The following TRAF3 variants were observed in gnomAD, a reference collection of about 807,000 sequenced individuals.
The protein encoded by TRAF3 is TNF receptor associated factor 3, also known as TNF receptor-associated factor 3.
TRAF3 carries 13 observed loss-of-function variants against 62.3 expected under a neutral mutation model. The ratio of observed to expected loss-of-function variants is 0.21; its 90% confidence interval spans 0.14 to 0.33. TRAF3 has a LOEUF of 0.33. TRAF3 is among the 10% of genes least tolerant of loss of function. TRAF3 has a pLI of 1.00. For synonymous variants in TRAF3, 269 were observed against 283.4 expected, an observed-to-expected ratio of 0.95 and a Z score of 0.51; for missense variants, 440 against 741.8, an observed-to-expected ratio of 0.59 and a Z score of 4.73.
At chr14:102,868,054 C>T (rs1051755003) in intron 2 of TRAF3, among the ~76,000 whole-genome samples, 9 of 152,212 alleles carry the variant, frequency 5.9e-5, no homozygotes, top group African/African-American at 1.4e-4. Flanking sequence ...GGGCTCCGCC[C>T]GCCCACCCAG....
intron 9 of TRAF3, among the ~76,000 whole-genome samples, chr14:102,896,962 T>TAC (rs1420312993): frequency 2.6e-5 from 4 of 152,072 alleles, no homozygotes. Context: ...AGGCCTAGCT[T>TAC]ACTCAAGAGG....
chr14:102,880,750 C>G (rs1889003786), intron 6 of TRAF3, among the ~76,000 whole-genome samples: 1 of 152,202 alleles, frequency 6.6e-6, no homozygotes. Context: ...AAATGTGGTA[C>G]ATCTATACCA....
At chr14:102,860,526 C>G (rs759599979) in intron 2 of TRAF3, among the ~76,000 whole-genome samples, 1 of 152,180 alleles carries the variant, frequency 6.6e-6, no homozygotes, top group African/African-American at 2.4e-5. Flanking sequence ...TATCTTATTA[C>G]CCAACTTTAG....
chr14:102,890,720 C>T (rs1889661253), intron 8 of TRAF3, among the ~76,000 whole-genome samples: 1 of 152,126 alleles, frequency 6.6e-6, no homozygotes, highest in Non-Finnish European at 1.5e-5. Flanking sequence ...ATTCCTGACT[C>T]TAAAATGGTC....
At chr14:102,848,814 C>T (rs1461355635) in intron 2 of TRAF3, among the ~76,000 whole-genome samples, 1 of 152,144 alleles carries the variant, frequency 6.6e-6, no homozygotes, top group East Asian at 1.9e-4. Flanking sequence ...TTCCACTGGA[C>T]ATGTTCTTCT....
At chr14:102,886,371 T>C in intron 7 of TRAF3, 102 bp downstream of exon 7, 2 of 1,031,308 alleles carry the variant, frequency 1.9e-6, no homozygotes, top group Non-Finnish European at 2.9e-6. Context: ...TCCCAGTTCG[T>C]GAGAGTCATG....
intron 2 of TRAF3, among the ~76,000 whole-genome samples, chr14:102,866,607 G>C (rs1458920494): frequency 1.3e-5 from 2 of 152,130 alleles, no homozygotes; most frequent in Non-Finnish European, 2.9e-5. Context: ...ACTTTGGGAG[G>C]CTGATGTGGA....
chr14:102,777,785 C>T (rs1002250956), intron 1 of TRAF3, 110 bp downstream of exon 1: 1 of 143,282 alleles, frequency 7.0e-6, no homozygotes, highest in African/African-American at 2.5e-5. Flanking sequence ...CTCGGGGCTG[C>T]CCGGCGCGGG....
intron 1 of TRAF3, among the ~76,000 whole-genome samples, chr14:102,779,289 T>G (rs1196622032): frequency 1.2e-5 from 1 of 86,554 alleles, no homozygotes; most frequent in African/African-American, 3.9e-5. Context: ...TTTTTTTTTT[T>G]TTTTTTTTTG....
At chr14:102,877,046 C>T (rs1408275749) in intron 6 of TRAF3, among the ~76,000 whole-genome samples, 1 of 150,538 alleles carries the variant, frequency 6.6e-6, no homozygotes, top group Non-Finnish European at 1.5e-5. Context: ...ATCCGTTCCA[C>T]AGGCCTTAGG....
intron 1 of TRAF3, among the ~76,000 whole-genome samples, chr14:102,822,420 C>A (rs1028540261): frequency 1.3e-5 from 2 of 152,168 alleles, no homozygotes; most frequent in Non-Finnish European, 2.9e-5. Context: ...TGCAGATTTT[C>A]TCTATTTAGT....
chr14:102,804,071 G>A (rs1336686958), intron 1 of TRAF3, among the ~76,000 whole-genome samples: 1 of 151,990 alleles, frequency 6.6e-6, no homozygotes, highest in Non-Finnish European at 1.5e-5. Flanking sequence ...GAGGCGGGGC[G>A]AGAGGGATCC....
chr14:102,779,269 C>CTTTTTTTTTTTTTTTTTTTTTT (rs61309052), intron 1 of TRAF3, among the ~76,000 whole-genome samples: 3 of 123,456 alleles, frequency 2.4e-5, no homozygotes, highest in African/African-American at 3.5e-5. Flanking sequence ...AGAATTCCAG[C>CTTTTTTTTTTTTTTTTTTTTTT]TTTTTTTTTT....
rs1890417071 is a variant in TRAF3 at position 102,903,555 on chromosome 14, G to C, written c.1135+126G>C. The C allele has an allele frequency of 3.0e-6, 4 of 1,336,716 alleles. No individual in the cohort carries two copies. The East Asian group carries it at 9.9e-5, about 33-fold the overall frequency. The allele number at this position is 1,336,716 out of a possible 1,614,324, so 82.8% of individuals were successfully genotyped here. ...CTTAGGACAGTTTTTTCTAATTATG[G>C]GTAACACGCAGAGGTGTGATGACTT... On this transcript the variant is annotated intron_variant, in intron 11 of 11. Transcript: ENST00000392745. This position sits in a 1 kb window ranked among gnomAD's most constrained non-coding sequence, Gnocchi z 6.4.
rs1434406763 is a variant in TRAF3, at chr14:102,777,520, A to T, written c.-312A>T. 1 of 143,870 alleles carries T rather than the reference A, an allele frequency of 7.0e-6. No homozygotes were observed. The highest frequency in any genetic ancestry group is 1.5e-5 in the Non-Finnish European group (1 of 64,916). 8.9% of individuals were successfully genotyped at this position (143,870 alleles called of 1,614,324 possible). A position where few individuals can be genotyped will look rare whatever the true frequency, so the allele number is the denominator to read the frequency against. Reference sequence around the variant, plus strand: ...CGCCGCGTGCGCGAGCCGGGGTTGCAGCCCAGCCGGGACTTTCCAGCCGGC... The same window carrying T: ...CGCCGCGTGCGCGAGCCGGGGTTGCTGCCCAGCCGGGACTTTCCAGCCGGC... On this transcript the variant is annotated 5_prime_UTR_variant, in exon 1 of 12. Coordinates refer to ENST00000392745, the MANE Select transcript of TRAF3 (RefSeq NM_145725.3).
intron 1 of TRAF3, among the ~76,000 whole-genome samples, chr14:102,784,102 G>A (rs1897376514): frequency 1.3e-5 from 2 of 151,954 alleles, no homozygotes; most frequent in South Asian, 4.1e-4. Flanking sequence ...TCAGTGTTTA[G>A]GTAAGTAATT....
chr14:102,897,170 A>G, intron 9 of TRAF3, 91 bp from the exon 10 acceptor site: 2 of 1,142,292 alleles, frequency 1.8e-6, no homozygotes, highest in Non-Finnish European at 2.5e-6. Flanking sequence ...AAGCTAACAG[A>G]AGGCCTATAT....
chr14:102,895,279 T>A, intron 9 of TRAF3: 1 of 312,070 alleles, frequency 3.2e-6, no homozygotes, highest in South Asian at 2.7e-5. Flanking sequence ...CCTAGGAAAG[T>A]GAAGTTATAT....
chr14:102,860,738 C>A (rs546529191), intron 2 of TRAF3, among the ~76,000 whole-genome samples: 1 of 152,372 alleles, frequency 6.6e-6, no homozygotes, highest in South Asian at 2.1e-4. Flanking sequence ...TGTGAAAAGA[C>A]AAAGCCTTAA....
Sources: gnomAD v4.1 joint callset for allele counts (sites outside exome capture counted in the v4.1 genomes callset) on GRCh38, gnomAD v4.1.1 for gene constraint, Gnocchi (gnomAD v3.1) non-coding constraint, MANE v1.5 for transcripts, NCBI Gene and HGNC (gene_info 2026-07-23, HGNC 2026-07-21) for gene names.